Variants in GRID2 observed in about 807,000 individuals in gnomAD.
The protein encoded by GRID2 is glutamate receptor ionotropic, delta-2.
Under a neutral mutation model 114.8 loss-of-function variants are expected in GRID2, and 33 were observed. The observed-to-expected ratio is 0.29, with a 90% CI of 0.22 to 0.38. GRID2 has a LOEUF of 0.38. GRID2 is among the 10% of genes least tolerant of loss of function. The probability of loss-of-function intolerance (pLI) is 1.00; values close to 1 mark genes in which losing one functional copy is unlikely to be tolerated. For synonymous variants in GRID2, 505 were observed against 449.9 expected, an observed-to-expected ratio of 1.12 and a Z score of -1.55; for missense variants, 1,184 against 1,257.7, an observed-to-expected ratio of 0.94 and a Z score of 0.89.
intron 6 of GRID2, among the ~76,000 whole-genome samples, chr4:93,218,436 C>T (rs924928785): frequency 5.9e-5 from 9 of 152,030 alleles, no homozygotes; most frequent in African/African-American, 2.2e-4. Flanking sequence ...CCCTAGAGGT[C>T]GAGGCTGCAG....
Position 93,498,910 on chromosome 4 carries a change from T to C in GRID2, c.1997+8133T>C, listed in dbSNP as rs556552055. On this transcript the variant is annotated intron_variant, in intron 12 of 15. Coordinates refer to ENST00000282020, the MANE Select transcript of GRID2 (RefSeq NM_001510.4). The stretch of plus-strand genomic sequence containing the variant: ...TTAGGTATGACATTATCTGTAAAGT[T>C]TTTTATTGTAGATATTATTTCTCAA... Among the ~76,000 whole-genome samples, 4 of 152,018 alleles carry C rather than the reference T, an allele frequency of 2.6e-5. No individual in the cohort carries two copies. The South Asian group carries it at 8.3e-4, about 32-fold the overall frequency.
chr4:93,513,578 A>G (rs1360499758), intron 12 of GRID2, among the ~76,000 whole-genome samples: 1 of 152,180 alleles, frequency 6.6e-6, no homozygotes, highest in Non-Finnish European at 1.5e-5. Context: ...GAATCCGTTC[A>G]ATATTTTAGA....
chr4:93,493,990 C>T (rs1175087616), intron 12 of GRID2, among the ~76,000 whole-genome samples: 1 of 151,878 alleles, frequency 6.6e-6, no homozygotes, highest in South Asian at 2.1e-4. Context: ...GCCAGATTCC[C>T]TCCCGAAATT....
At chr4:92,552,088 C>T (rs536307206) in intron 1 of GRID2, among the ~76,000 whole-genome samples, 1 of 151,916 alleles carries the variant, frequency 6.6e-6, no homozygotes, top group East Asian at 1.9e-4. Flanking sequence ...AAAGAAAATT[C>T]AAAATTGGAA....
At chr4:92,947,745 A>G (rs1385876538) in intron 2 of GRID2, among the ~76,000 whole-genome samples, 1 of 151,720 alleles carries the variant, frequency 6.6e-6, no homozygotes, top group Non-Finnish European at 1.5e-5. Flanking sequence ...TGTAGTGAAT[A>G]CAGAACACTT....
intron 10 of GRID2, among the ~76,000 whole-genome samples, chr4:93,438,596 A>G (rs1197307996): frequency 3.3e-5 from 5 of 152,104 alleles, no homozygotes; most frequent in Non-Finnish European, 7.4e-5. Context: ...CAATCTAGGG[A>G]GGAATAATGG....
intron 2 of GRID2, among the ~76,000 whole-genome samples, chr4:92,856,258 C>G (rs185529708): frequency 6.6e-6 from 1 of 152,004 alleles, no homozygotes; most frequent in Admixed American, 6.6e-5. Context: ...TATTTTCATT[C>G]CTGTCCTTCT....
chr4:93,758,466 T>C (rs1178379346), intron 14 of GRID2, among the ~76,000 whole-genome samples: 1 of 152,176 alleles, frequency 6.6e-6, no homozygotes, highest in East Asian at 1.9e-4. Context: ...CCTACTAGAG[T>C]AGTTCTCAGA....
intron 14 of GRID2, among the ~76,000 whole-genome samples, chr4:93,678,528 A>G (rs1725158470): frequency 6.6e-6 from 1 of 152,024 alleles, no homozygotes; most frequent in Non-Finnish European, 1.5e-5. Context: ...AGCCAGAGAG[A>G]AAGGTCCGGT....
chr4:92,363,737 T>G (rs1728723169), intron 1 of GRID2, among the ~76,000 whole-genome samples: 1 of 152,030 alleles, frequency 6.6e-6, no homozygotes, highest in Non-Finnish European at 1.5e-5. Flanking sequence ...GTTCATTGGT[T>G]GTGATATTTT....
At chr4:92,621,224 G>C (rs180976952) in intron 2 of GRID2, among the ~76,000 whole-genome samples, 176 of 151,766 alleles carry the variant, frequency 1.2e-3, no homozygotes, top group African/African-American at 4.1e-3. Context: ...TTTAACCCCT[G>C]TCTGAATATA....
intron 2 of GRID2, among the ~76,000 whole-genome samples, chr4:92,740,647 A>G (rs531679037): frequency 1.2e-3 from 180 of 152,138 alleles, no homozygotes; most frequent in Middle Eastern, 0.01. Flanking sequence ...CTCACTCATA[A>G]TGGTAGCACA....
chr4:92,911,443 T>C (rs1467319899), intron 2 of GRID2, among the ~76,000 whole-genome samples: 1 of 152,018 alleles, frequency 6.6e-6, no homozygotes, highest in East Asian at 1.9e-4. Context: ...GTGCAACACA[T>C]AGTGGATATT....
chr4:93,095,126 ATTTTT>A (rs1247402025), intron 3 of GRID2, among the ~76,000 whole-genome samples: 1 of 151,394 alleles, frequency 6.6e-6, no homozygotes, highest in Non-Finnish European at 1.5e-5. Flanking sequence ...ACCATTTTTA[ATTTTT>A]TTTTAAGATT....
At chr4:93,265,259 C>CA (rs1750695846) in intron 8 of GRID2, among the ~76,000 whole-genome samples, 1 of 151,708 alleles carries the variant, frequency 6.6e-6, no homozygotes. Flanking sequence ...GTTTTAAAAC[C>CA]AAAAAATGTT....
chr4:93,681,336 G>A lies in GRID2; in HGVS notation c.2360+54901G>A, dbSNP rs560661246. Among the ~76,000 whole-genome samples the A allele has an allele frequency of 5.3e-5, 8 of 151,626 alleles. No individual in the cohort carries two copies. The South Asian group carries it at 1.7e-3, about 32-fold the overall frequency. On this transcript the variant is annotated intron_variant, in intron 14 of 15. Transcript: ENST00000282020. ...CATGGGTAGGAAGAATCAATATCGT[G>A]AAAATGACCATACTACCCAAAGTAA...
chr4:93,042,295 C>CTATA lies in GRID2; in HGVS notation c.245-42699_245-42698insATAT, dbSNP rs1553971502. Among the ~76,000 whole-genome samples, 13 of 95,178 alleles carry CTATA rather than the reference C, an allele frequency of 1.4e-4. No individual in the cohort carries two copies. The East Asian group carries it at 2.2e-3, about 16-fold the overall frequency. The allele number at this position is 95,178 out of a possible 152,430, so 62.4% of individuals were successfully genotyped here. A position where few individuals can be genotyped will look rare whatever the true frequency, so the allele number is the denominator to read the frequency against. ...TCTCTTTCTCTCTCTCTCTCTCTCT[C>CTATA]TCTCTATATATATATATATATATAC... On this transcript the variant is annotated intron_variant, in intron 2 of 15. Coordinates refer to ENST00000282020, the MANE Select transcript of GRID2 (RefSeq NM_001510.4).
chr4:93,030,919 G>C (rs1348195590), intron 2 of GRID2, among the ~76,000 whole-genome samples: 1 of 151,842 alleles, frequency 6.6e-6, no homozygotes, highest in Non-Finnish European at 1.5e-5. Flanking sequence ...AAAGCTATTT[G>C]GGGAAGATGA....
At chr4:92,584,946 A>G (rs892470811) in intron 1 of GRID2, among the ~76,000 whole-genome samples, 3 of 152,066 alleles carry the variant, frequency 2.0e-5, no homozygotes, top group African/African-American at 7.2e-5. Context: ...AACCATCTCT[A>G]AAATTCCTTT....
Sources: gnomAD v4.1 joint callset for allele counts (sites outside exome capture counted in the v4.1 genomes callset) on GRCh38, gnomAD v4.1.1 for gene constraint, MANE v1.5 for transcripts, NCBI Gene and HGNC (gene_info 2026-07-23, HGNC 2026-07-21) for gene names.